MGMT: variants seen among roughly 807,000 people sequenced by gnomAD.
The protein encoded by MGMT is O-6-methylguanine-DNA methyltransferase.
A neutral mutation model predicts 15.9 loss-of-function variants in MGMT; 14 were observed. The ratio of observed to expected loss-of-function variants is 0.88; its 90% CI spans 0.58 to 1.37. The LOEUF is 1.37. Ranked by LOEUF, MGMT falls within the 40% of genes most tolerant of loss-of-function variation. MGMT has a pLI of 0.00. For synonymous variants in MGMT, 130 were observed against 118.2 expected (o/e 1.10, Z -0.65); for missense variants, 282 against 268.1 (o/e 1.05, Z -0.36).
chr10:129,724,963 C>A (rs530511342), intron 3 of MGMT, among the ~76,000 whole-genome samples: 2 of 152,306 alleles, frequency 1.3e-5, no homozygotes, highest in African/African-American at 4.8e-5. Flanking sequence ...CAGTTTGCAC[C>A]TGGAGGGCAG....
chr10:129,689,736 A>G (rs1847949058), intron 2 of MGMT, among the ~76,000 whole-genome samples: 1 of 151,940 alleles, frequency 6.6e-6, no homozygotes, highest in Admixed American at 6.6e-5. Flanking sequence ...TCTTGATCCA[A>G]CTCTGATCAG....
chr10:129,550,510 G>T (rs559495207), intron 2 of MGMT, among the ~76,000 whole-genome samples: 1 of 150,566 alleles, frequency 6.6e-6, no homozygotes, highest in African/African-American at 2.4e-5. Flanking sequence ...ACAGTGGTGC[G>T]ATCTCGGCTC....
At chr10:129,561,189 A>G (rs1199917953) in intron 2 of MGMT, among the ~76,000 whole-genome samples, 1 of 152,182 alleles carries the variant, frequency 6.6e-6, no homozygotes, top group Non-Finnish European at 1.5e-5. Flanking sequence ...TCACGTATCT[A>G]ACTTTCCTTA....
rs1845950861 is a variant in MGMT, at chr10:129,533,164, C to G, written c.-12-3077C>G. Among the ~76,000 whole-genome samples, 1 of 152,250 alleles carries G rather than the reference C, an allele frequency of 6.6e-6. No homozygotes were observed. Among genetic ancestry groups the G allele is most frequent in the African/African-American group, 2.4e-5 (1 of 41,464 alleles). On this transcript the variant is annotated intron_variant, in intron 1 of 4. Coordinates refer to ENST00000651593, the MANE Select transcript of MGMT (RefSeq NM_002412.5). This position sits in a 1 kb window ranked among gnomAD's most constrained non-coding sequence, Gnocchi z 4.5. ...TGCCTGGTTGCCCCACAGATGTTTCCTGAAGCTTGATTTTGGCTGTGATTG... is the reference window on the plus strand; with the variant it reads ...TGCCTGGTTGCCCCACAGATGTTTCGTGAAGCTTGATTTTGGCTGTGATTG...
At chr10:129,538,472 C>CAGCACTTGGT (rs1307831451) in intron 2 of MGMT, among the ~76,000 whole-genome samples, 1 of 152,222 alleles carries the variant, frequency 6.6e-6, no homozygotes, top group Admixed American at 6.5e-5. Flanking sequence ...ACGTTCTTGG[C>CAGCACTTGGT]AGCACTTGGT....
chr10:129,712,818 C>G (rs375434384), intron 3 of MGMT, among the ~76,000 whole-genome samples: 2 of 152,176 alleles, frequency 1.3e-5, no homozygotes, highest in African/African-American at 4.8e-5. Context: ...CATCCAGCCC[C>G]CTACAACCCC....
intron 2 of MGMT, among the ~76,000 whole-genome samples, chr10:129,584,077 G>T (rs1385360301): frequency 6.6e-6 from 1 of 152,218 alleles, no homozygotes; most frequent in African/African-American, 2.4e-5. Context: ...GTGGCAAAGT[G>T]CTGGCCTTGG....
At chr10:129,564,347 C>T (rs1389003932) in intron 2 of MGMT, among the ~76,000 whole-genome samples, 2 of 53,270 alleles carry the variant, frequency 3.8e-5, no homozygotes, top group African/African-American at 1.6e-4. Flanking sequence ...CCTCTTTCCT[C>T]TTCTCCCCTT....
At chr10:129,727,007 A>C (rs138202037) in intron 3 of MGMT, among the ~76,000 whole-genome samples, 35 of 152,350 alleles carry the variant, frequency 2.3e-4, no homozygotes, top group African/African-American at 7.9e-4. Context: ...TACTAGAGTC[A>C]GTCAGTGAAG....
At chr10:129,621,443 C>T (rs514963) in intron 2 of MGMT, among the ~76,000 whole-genome samples, 71,124 of 152,074 alleles carry the variant, frequency 0.47, 17,366 homozygotes, top group East Asian at 0.62. Context: ...ACTCTTTTCA[C>T]GTACGCATTT....
intron 1 of MGMT, among the ~76,000 whole-genome samples, chr10:129,526,421 C>G (rs1380985962): frequency 6.6e-6 from 1 of 152,028 alleles, no homozygotes; most frequent in African/African-American, 2.4e-5. Flanking sequence ...CCAGGTGAGC[C>G]AATCTCCCCC....
At chr10:129,551,040 C>T (rs572862638) in intron 2 of MGMT, among the ~76,000 whole-genome samples, 1 of 152,158 alleles carries the variant, frequency 6.6e-6, no homozygotes, top group South Asian at 2.1e-4. Flanking sequence ...CTACCCTGTC[C>T]CAGCCCCGTT....
intron 1 of MGMT, among the ~76,000 whole-genome samples, chr10:129,522,181 C>A (rs4751094): frequency 2.6e-5 from 4 of 152,062 alleles, no homozygotes; most frequent in Non-Finnish European, 5.9e-5. Context: ...ATAGCTCCTC[C>A]CAAGTTTTAC....
At chr10:129,514,457 C>A (rs963637884) in intron 1 of MGMT, among the ~76,000 whole-genome samples, 1 of 147,290 alleles carries the variant, frequency 6.8e-6, no homozygotes, top group Admixed American at 6.7e-5. Context: ...TATTTCAAAT[C>A]AAATAATTTG....
chr10:129,728,833 G>A (rs1181289809), intron 3 of MGMT, among the ~76,000 whole-genome samples: 4 of 151,790 alleles, frequency 2.6e-5, no homozygotes, highest in Non-Finnish European at 5.9e-5. Flanking sequence ...ATCGCCATCA[G>A]CGTCACCAGC....
At chr10:129,723,397 A>G (rs1180873353) in intron 3 of MGMT, among the ~76,000 whole-genome samples, 1 of 152,178 alleles carries the variant, frequency 6.6e-6, no homozygotes, top group East Asian at 1.9e-4. Context: ...CCTTGACCTC[A>G]CACCATACAC....
At chr10:129,700,045 C>T (rs1848079129) in intron 2 of MGMT, 2 of 152,078 alleles carry the variant, frequency 1.3e-5, no homozygotes, top group Admixed American at 6.5e-5. Flanking sequence ...TCACTTCTTC[C>T]TTTCATAGTT....
At chr10:129,501,633 A>G (rs1322484972) in intron 1 of MGMT, among the ~76,000 whole-genome samples, 2 of 152,204 alleles carry the variant, frequency 1.3e-5, no homozygotes, top group Non-Finnish European at 2.9e-5. Context: ...TCATCAAGAT[A>G]AGCAACTGTG....
intron 1 of MGMT, among the ~76,000 whole-genome samples, chr10:129,512,199 T>A (rs1845691388): frequency 6.6e-6 from 1 of 152,172 alleles, no homozygotes; most frequent in African/African-American, 2.4e-5. Context: ...TGACCTGAGT[T>A]GTCATTCCCT....
Sources: gnomAD v4.1 joint callset for allele counts (sites outside exome capture counted in the v4.1 genomes callset) on GRCh38, gnomAD v4.1.1 for gene constraint, Gnocchi (gnomAD v3.1) non-coding constraint, MANE v1.5 for transcripts, NCBI Gene and HGNC (gene_info 2026-07-23, HGNC 2026-07-21) for gene names.